Variants in UNC45B observed in about 807,000 individuals in gnomAD.
UNC45B encodes unc-45 myosin chaperone B, also known as protein unc-45 homolog B.
A neutral mutation model predicts 98.7 loss-of-function variants in UNC45B; 78 were observed. That is an observed-to-expected ratio of 0.79 (90% CI 0.66 to 0.95). The LOEUF is 0.95. Ranked by LOEUF, UNC45B falls within the 40% of genes least tolerant of loss-of-function variation. The pLI, the probability that UNC45B is intolerant of heterozygous loss-of-function variation, is 0.00. For synonymous variants in UNC45B, 462 were observed against 480.4 expected (o/e 0.96, Z 0.50); for missense variants, 1,225 against 1,184.9 (o/e 1.03, Z -0.50).
chr17:35,189,249 T>C lies in UNC45B; in HGVS notation c.*2690T>C, dbSNP rs1010460125. On this transcript the variant is annotated 3_prime_UTR_variant, in exon 20 of 20. Coordinates refer to ENST00000394570, the MANE Select transcript of UNC45B (RefSeq NM_001267052.2). ...GAAGCATACAGTTTTAAAGTTTATA[T>C]CTCCAAAAGGATATTTTGTAAAAAT... The C allele has an allele frequency of 6.6e-6, 1 of 152,204 alleles. No individual in the cohort carries two copies. The highest frequency in any genetic ancestry group is 2.4e-5 in the African/African-American group (1 of 41,454). 9.4% of individuals were successfully genotyped at this position (152,204 alleles called of 1,614,324 possible).
chr17:35,162,975 C>T (rs2092112141), intron 8 of UNC45B, among the ~76,000 whole-genome samples: 2 of 152,188 alleles, frequency 1.3e-5, no homozygotes, highest in South Asian at 4.1e-4. Flanking sequence ...CATAGTATAA[C>T]AGCTAACATC....
intron 4 of UNC45B, among the ~76,000 whole-genome samples, chr17:35,151,450 A>C (rs563210911): frequency 1.6e-3 from 249 of 152,220 alleles, no homozygotes; most frequent in Middle Eastern, 3.4e-3. Context: ...TCAGCCTCCC[A>C]AAGTGCTGGG....
intron 17 of UNC45B, among the ~76,000 whole-genome samples, chr17:35,180,253 TGAGAGAGAGA>T (rs56300196): frequency 6.5e-4 from 91 of 139,920 alleles, no homozygotes; most frequent in South Asian, 7.4e-4. Flanking sequence ...ACATCCAGGA[TGAGAGAGAGA>T]GAGAGAGAGA....
intron 17 of UNC45B, among the ~76,000 whole-genome samples, chr17:35,179,061 C>A (rs2092255959): frequency 6.6e-6 from 1 of 152,134 alleles, no homozygotes; most frequent in South Asian, 2.1e-4. Context: ...TCCATATGAA[C>A]TTTAAAGTAG....
At position 35,170,253 on chromosome 17, in the gene UNC45B, A is replaced by G. The variant is rs1276941582; in HGVS notation, c.1687A>G (p.Lys563Glu). 1.2e-6 allele frequency: 2 copies of G among 1,605,582 alleles called. No individual in the cohort carries two copies. The highest frequency in any genetic ancestry group is 1.1e-5 in the South Asian group (1 of 90,566). The change falls in exon 12 of 20, where the codon AAG (lysine) becomes GAG (glutamate). Residue 563 changes from lysine (K) to glutamate (E), a missense_variant and splice_region_variant. Coordinates refer to ENST00000394570, the MANE Select transcript of UNC45B (RefSeq NM_001267052.2). ...PALQAMFELA[K>E]TSDKTILYSV... ...CCTGCAGGCCATGTTTGAGCTGGCC[A>G]AGGCAGGTGTCGGGGAGTCTGGCCC...
rs1051694429 is a variant in UNC45B, at chr17:35,175,965, C to T, written c.1959-3C>T. On this transcript the variant is annotated splice_region_variant and splice_polypyrimidine_tract_variant and intron_variant, in intron 14 of 19. Transcript: ENST00000394570. ...CTGTTCTCCTTTCTTCTCGGTCCCA[C>T]AGGGTATTCCTGGCACTGTGTGACA... 2 of 1,613,888 alleles carry T rather than the reference C, an allele frequency of 1.2e-6. No homozygotes were observed. The highest frequency in any genetic ancestry group is 1.7e-6 in the Non-Finnish European group (2 of 1,179,846).
chr17:35,176,238 G>T (rs2092232719), intron 15 of UNC45B, among the ~76,000 whole-genome samples: 1 of 152,030 alleles, frequency 6.6e-6, no homozygotes, highest in African/African-American at 2.4e-5. Flanking sequence ...TATCCTCCTT[G>T]CTGTTGGAAG....
At chr17:35,179,686 G>A (rs1013264131) in intron 17 of UNC45B, among the ~76,000 whole-genome samples, 1 of 152,040 alleles carries the variant, frequency 6.6e-6, no homozygotes, top group South Asian at 2.1e-4. Flanking sequence ...TCACTCGTAG[G>A]TGGGAGTTGA....
intron 10 of UNC45B, among the ~76,000 whole-genome samples, chr17:35,169,115 C>T (rs1327450267): frequency 1.3e-5 from 2 of 152,284 alleles, no homozygotes; most frequent in East Asian, 3.9e-4. Flanking sequence ...TCTCGGCTTA[C>T]TGCAACCACC....
At chr17:35,171,827 G>A (rs1474123515) in intron 13 of UNC45B, among the ~76,000 whole-genome samples, 2 of 152,120 alleles carry the variant, frequency 1.3e-5, no homozygotes, top group Non-Finnish European at 2.9e-5. Context: ...TGTGACATGG[G>A]TGCTAAGTAG....
At position 35,168,122 on chromosome 17, in the gene UNC45B, A is replaced by T. The variant is rs1001520101; in HGVS notation, c.1213A>T (p.Ile405Phe). Residue 405 changes from isoleucine (I) to phenylalanine (F), a missense_variant, in exon 10 of 20, where the codon ATC becomes TTC. Physicochemically the swap from Ile to Phe is conservative, Grantham distance 21. Transcript: ENST00000394570. Reference protein sequence around the residue: ...NLNAIQTVSGILQGPFDLGNQ... With the variant: ...NLNAIQTVSGFLQGPFDLGNQ... ...GAATGCCATCCAGACAGTGTCAGGGATCCTGCAGGGCCCCTTTGACCTGGG... is the reference window on the plus strand; with the variant it reads ...GAATGCCATCCAGACAGTGTCAGGGTTCCTGCAGGGCCCCTTTGACCTGGG... 1.9e-6 allele frequency: 3 copies of T among 1,588,684 alleles called. No individual in the cohort carries two copies. The highest frequency in any genetic ancestry group is 2.7e-5 in the African/African-American group (2 of 73,634).
At chr17:35,157,794 C>T (rs1419534597) in intron 7 of UNC45B, among the ~76,000 whole-genome samples, 1 of 152,074 alleles carries the variant, frequency 6.6e-6, no homozygotes, top group Non-Finnish European at 1.5e-5. Context: ...CTTTATTAGC[C>T]ATTTGGATTC....
intron 1 of UNC45B, 67 bp from the exon 2 acceptor site, chr17:35,148,197 G>A (rs1214468289): frequency 1.3e-6 from 2 of 1,583,248 alleles, no homozygotes; most frequent in Non-Finnish European, 1.7e-6. Flanking sequence ...CCGGACCTCA[G>A]GCCAGGAGCC....
At chr17:35,165,437 G>A (rs533292274) in intron 9 of UNC45B, among the ~76,000 whole-genome samples, 6 of 152,284 alleles carry the variant, frequency 3.9e-5, no homozygotes, top group Middle Eastern at 3.4e-3. Context: ...CTCTTGACTC[G>A]GTAGTTTGGG....
At chr17:35,173,373 AC>A in intron 13 of UNC45B, among the ~76,000 whole-genome samples, 1 of 151,910 alleles carries the variant, frequency 6.6e-6, no homozygotes, top group Non-Finnish European at 1.5e-5. Context: ...TGGTCCACCC[AC>A]CTCAGCCTCC....
chr17:35,174,943 GAA>G (rs1567765752), intron 14 of UNC45B, among the ~76,000 whole-genome samples: 1 of 89,094 alleles, frequency 1.1e-5, no homozygotes, highest in African/African-American at 5.3e-5. Context: ...GAAAGAAAAA[GAA>G]AGAAAGAAAA....
Position 35,154,646 on chromosome 17 carries a change from G to A in UNC45B, c.544G>A (p.Ala182Thr). 6.2e-7 allele frequency: 1 copy of A among 1,613,546 alleles called. No homozygotes were observed. The highest frequency in any genetic ancestry group is 8.5e-7 in the Non-Finnish European group (1 of 1,179,886). ...GAAGATCTTCCAGAACAATGGAGTA[G>A]CCTTGCTACTGCAGCTTCTGGACAC... is the stretch of plus-strand genomic sequence containing the variant. Reference protein sequence around the residue: ...AEKIFQNNGVALLLQLLDTKK... With the variant: ...AEKIFQNNGVTLLLQLLDTKK... The change falls in exon 6 of 20, where the codon GCC becomes ACC. Residue 182 changes from alanine to threonine, a missense_variant. Physicochemically the swap from Ala to Thr is moderately conservative, Grantham distance 58 (BLOSUM62 0). Transcript: ENST00000394570.
chr17:35,147,939 A>C (rs185455515), intron 1 of UNC45B, 29 bp downstream of exon 1: 122 of 310,252 alleles, frequency 3.9e-4, no homozygotes, highest in Non-Finnish European at 6.1e-4. Flanking sequence ...TGTGCCCTGG[A>C]CTGGGGAGGG....
Position 35,168,235 on chromosome 17 carries a change from G to T in UNC45B, c.1326G>T (p.Val442=), listed in dbSNP as rs2092155726. 3.1e-6 allele frequency: 5 copies of T among 1,588,946 alleles called. No individual in the cohort carries two copies. The highest frequency in any genetic ancestry group is 4.3e-6 in the Non-Finnish European group (5 of 1,166,860). The change falls in exon 10 of 20, where the codon GTG becomes GTT. Residue 442 remains valine (V), a synonymous_variant. Coordinates refer to ENST00000394570, the MANE Select transcript of UNC45B (RefSeq NM_001267052.2). The part of the protein sequence containing the change: ...SERETDQLVA[V]EALIHASTKL... The stretch of plus-strand genomic sequence containing the variant: ...GCGAGACGGACCAGCTGGTGGCCGT[G>T]GAGGCCCTCATCCATGCCTCCACGA...
Sources: gnomAD v4.1 joint callset for allele counts (sites outside exome capture counted in the v4.1 genomes callset) on GRCh38, gnomAD v4.1.1 for gene constraint, MANE v1.5 for transcripts, NCBI Gene and HGNC (gene_info 2026-07-23, HGNC 2026-07-21) for gene names.